SLIT3: variants seen among roughly 807,000 people sequenced by gnomAD.
The protein encoded by SLIT3 is slit guidance ligand 3, also known as slit homolog 3 protein.
Under a neutral mutation model 184.0 loss-of-function variants are expected in SLIT3, and 68 were observed. The ratio of observed to expected loss-of-function variants is 0.37; its 90% CI spans 0.30 to 0.45. The LOEUF is 0.45. Ranked by LOEUF, SLIT3 falls within the 20% of genes least tolerant of loss-of-function variation. The probability of loss-of-function intolerance (pLI) is 1.00; values close to 1 mark genes in which losing one functional copy is unlikely to be tolerated. For synonymous variants in SLIT3, 831 were observed against 828.6 expected (o/e 1.00, Z -0.05); for missense variants, 1,707 against 2,026.0 (o/e 0.84, Z 3.02).
chr5:169,012,768 G>A (rs1756203587), intron 4 of SLIT3: 1 of 152,166 alleles, frequency 6.6e-6, no homozygotes, highest in African/African-American at 2.4e-5. Flanking sequence ...TTTGTCTTAT[G>A]ATGGCAGGTC....
intron 4 of SLIT3, among the ~76,000 whole-genome samples, chr5:169,105,392 G>A (rs1760166804): frequency 6.6e-6 from 1 of 152,156 alleles, no homozygotes; most frequent in African/African-American, 2.4e-5. Context: ...AATACCCAAG[G>A]TACGACTTCT....
At position 168,817,260 on chromosome 5, in the gene SLIT3, G is replaced by A. The variant is rs763674150; in HGVS notation, c.793+40C>T. ...GTTGTGGGAGCTCATGGGTGGGTGG[G>A]TCATAGCACAGGAGGGGAGAGCAGG... On this transcript the variant is annotated intron_variant, in intron 8 of 35. Coordinates refer to ENST00000519560, the MANE Select transcript of SLIT3 (RefSeq NM_003062.4). 5.0e-6 allele frequency: 8 copies of A among 1,599,172 alleles called. No homozygotes were observed. In the East Asian group the frequency reaches 6.7e-5, roughly 13 times the overall value.
At chr5:169,052,878 C>T (rs2113066560) in intron 4 of SLIT3, among the ~76,000 whole-genome samples, 1 of 152,292 alleles carries the variant, frequency 6.6e-6, no homozygotes. Flanking sequence ...CCCACCCTCC[C>T]TCACCCCACT....
intron 4 of SLIT3, among the ~76,000 whole-genome samples, chr5:168,922,952 G>T (rs556635496): frequency 2.0e-5 from 3 of 152,302 alleles, no homozygotes; most frequent in East Asian, 1.9e-4. Flanking sequence ...CATATGTAGC[G>T]AAAGTCTTAG....
intron 4 of SLIT3, among the ~76,000 whole-genome samples, chr5:168,907,881 TATATG>T (rs1761107020): frequency 1.4e-5 from 2 of 138,806 alleles, no homozygotes; most frequent in Non-Finnish European, 3.1e-5. Flanking sequence ...TACATATAGA[TATATG>T]ATATATATCA....
chr5:168,862,654 G>GA (rs1267290897), intron 5 of SLIT3, among the ~76,000 whole-genome samples: 3 of 145,816 alleles, frequency 2.1e-5, no homozygotes, highest in African/African-American at 8.4e-5. Flanking sequence ...ATAGAACATT[G>GA]GTTTTTTTGT....
At chr5:169,280,009 C>G (rs1219980545) in intron 1 of SLIT3, among the ~76,000 whole-genome samples, 2 of 151,488 alleles carry the variant, frequency 1.3e-5, no homozygotes, top group Non-Finnish European at 2.9e-5. Context: ...CTTCATTTCA[C>G]AGTGAGAAGC....
At chr5:169,058,419 G>A (rs770115404) in intron 4 of SLIT3, among the ~76,000 whole-genome samples, 2 of 152,200 alleles carry the variant, frequency 1.3e-5, no homozygotes, top group Non-Finnish European at 2.9e-5. Flanking sequence ...AGATCTGAAA[G>A]GTAAGAACGC....
At chr5:168,830,446 A>G (rs894018451) in intron 6 of SLIT3, among the ~76,000 whole-genome samples, 5 of 152,210 alleles carry the variant, frequency 3.3e-5, no homozygotes, top group African/African-American at 1.2e-4. Context: ...CCTTAGAGAA[A>G]ACCTAAGCAG....
chr5:169,159,820 C>T (rs1448477845), intron 4 of SLIT3, among the ~76,000 whole-genome samples: 4 of 152,092 alleles, frequency 2.6e-5, no homozygotes, highest in African/African-American at 4.8e-5. Flanking sequence ...TATACGCTAA[C>T]GTGATATAAG....
intron 4 of SLIT3, among the ~76,000 whole-genome samples, chr5:169,028,845 T>G (rs1350156885): frequency 3.9e-5 from 6 of 152,216 alleles, no homozygotes; most frequent in Non-Finnish European, 7.3e-5. Flanking sequence ...TTGATTCCAC[T>G]GCTTTCCAAA....
chr5:168,870,635 TG>T (rs1561978673), intron 5 of SLIT3, among the ~76,000 whole-genome samples: 1 of 152,206 alleles, frequency 6.6e-6, no homozygotes, highest in Non-Finnish European at 1.5e-5. Context: ...TGGTGGAAGA[TG>T]GCCTCAAAGA....
At position 168,901,138 on chromosome 5, in the gene SLIT3, G is replaced by A. The variant is rs977246896; in HGVS notation, c.414-17802C>T. On this transcript the variant is annotated intron_variant, in intron 4 of 35. Coordinates refer to ENST00000519560, the MANE Select transcript of SLIT3 (RefSeq NM_003062.4). ...AGAACTTTGGGAGGCCGAGGCAGGC[G>A]GATCACGAGGTCAGGAGATAGTCCA... 2.6e-5 allele frequency among the ~76,000 whole-genome samples: 4 copies of A among 152,106 alleles called. No individual in the cohort carries two copies. In the East Asian group the frequency reaches 7.7e-4, roughly 29 times the overall value.
chr5:168,772,719 G>GC, intron 14 of SLIT3, 62 bp downstream of exon 14: 1 of 1,572,594 alleles, frequency 6.4e-7, no homozygotes, highest in Non-Finnish European at 8.7e-7. Context: ...TGGATTATTG[G>GC]CCTCTCTGGG....
intron 5 of SLIT3, among the ~76,000 whole-genome samples, chr5:168,880,934 C>T (rs577431353): frequency 6.6e-6 from 1 of 152,132 alleles, no homozygotes; most frequent in Non-Finnish European, 1.5e-5. Flanking sequence ...GATTCTTGTC[C>T]CCAGTTACAC....
intron 3 of SLIT3, among the ~76,000 whole-genome samples, chr5:169,218,067 T>C (rs1316978787): frequency 6.6e-6 from 1 of 152,142 alleles, no homozygotes; most frequent in Non-Finnish European, 1.5e-5. Context: ...GGTCTCCGAG[T>C]AGTGAAGAAA....
intron 6 of SLIT3, among the ~76,000 whole-genome samples, chr5:168,841,538 A>C (rs1758249956): frequency 6.6e-6 from 1 of 152,180 alleles, no homozygotes; most frequent in Admixed American, 6.5e-5. Context: ...GAATGAGTCA[A>C]AAATGAGGTT....
chr5:169,220,731 T>C (rs1447528526), intron 3 of SLIT3, among the ~76,000 whole-genome samples: 1 of 152,180 alleles, frequency 6.6e-6, no homozygotes, highest in Non-Finnish European at 1.5e-5. Context: ...AAGTAGTCAA[T>C]AGTAACAATA....
At chr5:169,177,194 C>T (rs1763013013) in intron 4 of SLIT3, among the ~76,000 whole-genome samples, 1 of 152,160 alleles carries the variant, frequency 6.6e-6, no homozygotes, top group Non-Finnish European at 1.5e-5. Flanking sequence ...AGCTATTAGT[C>T]TATCACTGCA....
Sources: gnomAD v4.1 joint callset for allele counts (sites outside exome capture counted in the v4.1 genomes callset) on GRCh38, gnomAD v4.1.1 for gene constraint, MANE v1.5 for transcripts, NCBI Gene and HGNC (gene_info 2026-07-23, HGNC 2026-07-21) for gene names.